The following RXFP1 variants were observed in gnomAD, a reference collection of about 807,000 sequenced individuals.
RXFP1 encodes the protein relaxin family peptide receptor 1.
A neutral mutation model predicts 89.8 loss-of-function variants in RXFP1; 73 were observed. The ratio of observed to expected loss-of-function variants is 0.81; its 90% CI spans 0.67 to 0.99. RXFP1 has a LOEUF of 0.99. RXFP1 is among the 50% of genes least tolerant of loss of function. The pLI is 0.00. For missense variants in RXFP1, 793 were observed against 895.5 expected, an observed-to-expected ratio of 0.89 and a Z score of 1.46; for synonymous variants, 277 against 305.5, an observed-to-expected ratio of 0.91 and a Z score of 0.97.
intron 1 of RXFP1, among the ~76,000 whole-genome samples, chr4:158,529,787 C>A (rs995225685): frequency 4.6e-5 from 7 of 152,230 alleles, no homozygotes; most frequent in Non-Finnish European, 8.8e-5. Flanking sequence ...ACCACACCTT[C>A]TGACAAAATA....
chr4:158,560,633 C>T (rs1181842084), intron 1 of RXFP1, among the ~76,000 whole-genome samples: 4 of 152,152 alleles, frequency 2.6e-5, no homozygotes, highest in East Asian at 1.9e-4. Flanking sequence ...TGATGATTCC[C>T]GGGTTGGCAT....
Position 158,599,479 on chromosome 4 carries a change from A to G in RXFP1, c.392+48A>G, listed in dbSNP as rs750531090. The G allele has an allele frequency of 4.9e-6, 7 of 1,416,990 alleles. No individual in the cohort carries two copies. The African/African-American group carries it at 9.9e-5, about 20-fold the overall frequency. 87.8% of individuals were successfully genotyped at this position (1,416,990 alleles called of 1,614,324 possible). On this transcript the variant is annotated intron_variant, in intron 4 of 17. Transcript: ENST00000307765. The stretch of plus-strand genomic sequence containing the variant: ...ATCCTGACAGCTGGGTAGCACCTGT[A>G]AAATTGTATTATAATTAAGACCATG...
intron 15 of RXFP1, chr4:158,646,416 C>A: frequency 1.8e-6 from 2 of 1,111,056 alleles, no homozygotes; most frequent in Non-Finnish European, 2.4e-6. Context: ...AAGAGCAGAA[C>A]CAAGTAATGC....
chr4:158,598,733 C>G (rs1761109612), intron 3 of RXFP1, among the ~76,000 whole-genome samples: 2 of 151,964 alleles, frequency 1.3e-5, no homozygotes, highest in African/African-American at 2.4e-5. Flanking sequence ...GCAGAAAAAA[C>G]ATTCACTCCC....
At chr4:158,648,035 G>A (rs1435355119) in intron 16 of RXFP1, among the ~76,000 whole-genome samples, 4 of 151,850 alleles carry the variant, frequency 2.6e-5, no homozygotes, top group Non-Finnish European at 5.9e-5. Context: ...AAATTAGCTG[G>A]TGTGATGGCA....
At chr4:158,619,512 T>C (rs988733376) in intron 9 of RXFP1, among the ~76,000 whole-genome samples, 2 of 152,202 alleles carry the variant, frequency 1.3e-5, no homozygotes, top group Non-Finnish European at 2.9e-5. Flanking sequence ...AAGTGTGGGC[T>C]ACTATAGTGC....
intron 1 of RXFP1, among the ~76,000 whole-genome samples, chr4:158,566,797 C>G (rs1261230260): frequency 6.6e-6 from 1 of 152,268 alleles, no homozygotes; most frequent in Non-Finnish European, 1.5e-5. Context: ...CCCTTGCAGC[C>G]CTCGCTCGCT....
chr4:158,603,749 G>A (rs1297971240), intron 4 of RXFP1, among the ~76,000 whole-genome samples: 1 of 151,850 alleles, frequency 6.6e-6, no homozygotes, highest in African/African-American at 2.4e-5. Context: ...AATTAGCCAA[G>A]CGTGGTGGCG....
At chr4:158,602,806 C>T (rs372443608) in intron 4 of RXFP1, among the ~76,000 whole-genome samples, 6 of 152,120 alleles carry the variant, frequency 3.9e-5, no homozygotes, top group Non-Finnish European at 7.4e-5. Context: ...CAGGCTAGAG[C>T]GCAGTGGCGC....
At chr4:158,550,461 G>C (rs933408168) in intron 1 of RXFP1, among the ~76,000 whole-genome samples, 1 of 152,208 alleles carries the variant, frequency 6.6e-6, no homozygotes, top group African/African-American at 2.4e-5. Flanking sequence ...CCAGTGACCT[G>C]CACCCACTGT....
intron 6 of RXFP1, chr4:158,610,721 T>C: frequency 7.8e-7 from 1 of 1,288,938 alleles, no homozygotes; most frequent in Non-Finnish European, 1.0e-6. Flanking sequence ...CAAATGTCTT[T>C]TACCTGGAGG....
chr4:158,547,577 G>T (rs937821919), intron 1 of RXFP1, among the ~76,000 whole-genome samples: 2 of 151,804 alleles, frequency 1.3e-5, no homozygotes, highest in Non-Finnish European at 2.9e-5. Flanking sequence ...GCTTTCTCTG[G>T]TGGGCATTTA....
intron 4 of RXFP1, among the ~76,000 whole-genome samples, chr4:158,601,955 T>C (rs948133548): frequency 1.3e-5 from 2 of 152,218 alleles, no homozygotes; most frequent in Non-Finnish European, 2.9e-5. Flanking sequence ...AACTATATGA[T>C]CTAATACTAA....
At chr4:158,614,209 A>G (rs185987286) in intron 8 of RXFP1, among the ~76,000 whole-genome samples, 2 of 152,234 alleles carry the variant, frequency 1.3e-5, no homozygotes, top group South Asian at 2.1e-4. Flanking sequence ...TGAGGGCCCT[A>G]GGATTTTTGG....
intron 1 of RXFP1, among the ~76,000 whole-genome samples, chr4:158,545,921 T>G (rs1748232190): frequency 6.6e-6 from 1 of 152,236 alleles, no homozygotes; most frequent in South Asian, 2.1e-4. Context: ...TAGGATTGAC[T>G]TGGCAATGTG....
At chr4:158,646,764 A>G (rs1771631786) in intron 15 of RXFP1, 27 bp from the exon 16 acceptor site, 1 of 1,532,408 alleles carries the variant, frequency 6.5e-7, no homozygotes, top group African/African-American at 1.4e-5. Flanking sequence ...TTATTTCTCT[A>G]AATTTGTGAA....
At position 158,645,049 on chromosome 4, in the gene RXFP1, C is replaced by A; in HGVS notation, c.1256C>A (p.Thr419Asn). 1 of 1,614,158 alleles carries A rather than the reference C, an allele frequency of 6.2e-7. No individual in the cohort carries two copies. The highest frequency in any genetic ancestry group is 8.5e-7 in the Non-Finnish European group (1 of 1,180,014). The change falls in exon 15 of 18, where the codon ACC becomes AAC. Residue 419 changes from threonine (T) to asparagine (N), a missense_variant. Coordinates refer to ENST00000307765, the MANE Select transcript of RXFP1 (RefSeq NM_021634.4). ...RVFVWVVSAVTCFGNIFVICM... is the reference protein window; with the variant it reads ...RVFVWVVSAVNCFGNIFVICM... Reference sequence around the variant, plus strand: ...TTTGTCTGGGTTGTATCTGCAGTTACCTGCTTTGGAAACATTTTTGTCATT... The same window carrying A: ...TTTGTCTGGGTTGTATCTGCAGTTAACTGCTTTGGAAACATTTTTGTCATT...
chr4:158,633,987 T>C (rs887356721), intron 12 of RXFP1, among the ~76,000 whole-genome samples: 1 of 152,344 alleles, frequency 6.6e-6, no homozygotes, highest in East Asian at 1.9e-4. Flanking sequence ...GCTATGAACA[T>C]GGGCGTACAA....
chr4:158,632,313 G>A (rs1233333796), intron 11 of RXFP1, among the ~76,000 whole-genome samples: 1 of 152,088 alleles, frequency 6.6e-6, no homozygotes, highest in African/African-American at 2.4e-5. Flanking sequence ...TCTAAAAATT[G>A]TCCTACCCTT....
Sources: allele counts gnomAD v4.1 joint callset (sites outside exome capture counted in the v4.1 genomes callset), GRCh38; gene constraint gnomAD v4.1.1; transcripts MANE v1.5; gene names NCBI Gene and HGNC (gene_info 2026-07-23, HGNC 2026-07-21).